KIRREL1: variants seen among roughly 807,000 people sequenced by gnomAD.
KIRREL1 encodes kin of IRRE-like protein 1.
Under a neutral mutation model 83.3 loss-of-function variants are expected in KIRREL1, and 25 were observed. That is an observed-to-expected ratio of 0.30 (90% CI 0.22 to 0.42). KIRREL1 has a LOEUF of 0.42. Ranked by LOEUF, KIRREL1 falls within the 10% of genes least tolerant of loss-of-function variation. KIRREL1 has a pLI of 1.00. For missense variants in KIRREL1, 812 were observed against 1,032.3 expected, an observed-to-expected ratio of 0.79 and a Z score of 2.92; for synonymous variants, 388 against 410.4, an observed-to-expected ratio of 0.95 and a Z score of 0.66.
intron 1 of KIRREL1, among the ~76,000 whole-genome samples, chr1:158,075,866 T>G (rs891224258): frequency 8.5e-5 from 13 of 152,120 alleles, no homozygotes; most frequent in African/African-American, 3.1e-4. Flanking sequence ...CAGTGCACTA[T>G]TTTCTGTGAT....
chr1:157,998,746 C>A (rs548273747), intron 1 of KIRREL1, among the ~76,000 whole-genome samples: 29 of 152,320 alleles, frequency 1.9e-4, no homozygotes, highest in African/African-American at 7.0e-4. Flanking sequence ...CTTGTTCTAA[C>A]CCGCCTGGGG....
At position 158,021,386 on chromosome 1, in the gene KIRREL1, C is replaced by T. The variant is rs151178059; in HGVS notation, c.52+27658C>T. On this transcript the variant is annotated intron_variant, in intron 1 of 14. Coordinates refer to ENST00000359209, the MANE Select transcript of KIRREL1 (RefSeq NM_018240.7). Reference sequence around the variant, plus strand: ...TAATTCAGTCAGCTGGTGAAAGTATCGTGGTATTATGGAAGGAGCCCTGTT... The same window carrying T: ...TAATTCAGTCAGCTGGTGAAAGTATTGTGGTATTATGGAAGGAGCCCTGTT... Among the ~76,000 whole-genome samples the T allele has an allele frequency of 2.5e-3, 376 of 152,258 alleles. 1 individual carries two copies. Among genetic ancestry groups the T allele is most frequent in the African/African-American group, 8.5e-3 (354 of 41,526 alleles).
chr1:158,010,361 A>ACACACACACCC (rs1491267940), intron 1 of KIRREL1, among the ~76,000 whole-genome samples: 1 of 51,560 alleles, frequency 1.9e-5, no homozygotes, highest in African/African-American at 4.8e-5. Context: ...ACACACACAC[A>ACACACACACCC]CCCCACACAG....
intron 2 of KIRREL1, among the ~76,000 whole-genome samples, chr1:158,077,096 A>G (rs1661700619): frequency 6.6e-6 from 1 of 152,228 alleles, no homozygotes; most frequent in African/African-American, 2.4e-5. Flanking sequence ...TTTTAGCTTT[A>G]AAGCACTGTA....
At chr1:158,003,100 C>T (rs1395201653) in intron 1 of KIRREL1, among the ~76,000 whole-genome samples, 2 of 152,092 alleles carry the variant, frequency 1.3e-5, no homozygotes, top group Non-Finnish European at 2.9e-5. Context: ...TATTTTTCCT[C>T]CTCCTTCCTG....
Position 158,099,805 on chromosome 1 carries a change from C to T in KIRREL1, c.*4685C>T, listed in dbSNP as rs1166161904. On this transcript the variant is annotated 3_prime_UTR_variant, in exon 15 of 15. Transcript: ENST00000359209. ...TTTGGAGCTCTTCAGATGCTGTCCC[C>T]CCTGAGAATACCCTAACTCTGGGGA... 1 of 152,088 alleles carries T rather than the reference C, an allele frequency of 6.6e-6. No individual in the cohort carries two copies. Among genetic ancestry groups the T allele is most frequent in the Non-Finnish European group, 1.5e-5 (1 of 68,030 alleles). 9.4% of individuals were successfully genotyped at this position (152,088 alleles called of 1,614,324 possible).
Position 158,095,072 on chromosome 1 carries a change from C to T in KIRREL1, c.2226C>T (p.His742=), listed in dbSNP as rs370543560. 3.7e-6 allele frequency: 6 copies of T among 1,611,678 alleles called. No homozygotes were observed. Among genetic ancestry groups the T allele is most frequent in the African/African-American group, 1.3e-5 (1 of 74,912 alleles). Residue 742 remains histidine (H), a synonymous_variant, in exon 15 of 15, where the codon CAC becomes CAT. Coordinates refer to ENST00000359209, the MANE Select transcript of KIRREL1 (RefSeq NM_018240.7). The stretch of plus-strand genomic sequence containing the variant: ...CTCGATTCTCCTACACCTCCCAGCA[C>T]TCGGACTACGGCCAGCGATTCCAGC... ...TATRFSYTSQ[H]SDYGQRFQQR... is the part of the protein sequence containing the mutation.
chr1:158,046,165 A>G (rs558612801), intron 1 of KIRREL1, among the ~76,000 whole-genome samples: 16 of 152,318 alleles, frequency 1.1e-4, no homozygotes, highest in African/African-American at 3.8e-4. Context: ...CAGGCACAAG[A>G]TGATAGCTTG....
chr1:158,012,100 A>G (rs376877658), intron 1 of KIRREL1, among the ~76,000 whole-genome samples: 2 of 152,108 alleles, frequency 1.3e-5, no homozygotes, highest in Admixed American at 6.5e-5. Flanking sequence ...CCCTTCCCCA[A>G]TAAGATTAAA....
At chr1:158,003,081 T>A (rs1251287396) in intron 1 of KIRREL1, among the ~76,000 whole-genome samples, 4 of 152,164 alleles carry the variant, frequency 2.6e-5, no homozygotes, top group South Asian at 2.1e-4. Context: ...GAGTTTTTTT[T>A]ATTATTATTA....
rs538692884 is a variant in KIRREL1, at chr1:158,084,980, A to T, written c.510+401A>T. Among the ~76,000 whole-genome samples the T allele has an allele frequency of 2.0e-5, 3 of 152,304 alleles. No homozygotes were observed. In the East Asian group the frequency reaches 5.8e-4, roughly 29 times the overall value. The stretch of plus-strand genomic sequence containing the variant: ...GAGGTTGAGTGACTTGTCCAAGGTC[A>T]CACAGCTGGCACAGAGCGGGGGTTT... On this transcript the variant is annotated intron_variant, in intron 4 of 14. Transcript: ENST00000359209.
At chr1:158,016,046 C>T (rs552395000) in intron 1 of KIRREL1, among the ~76,000 whole-genome samples, 3 of 152,178 alleles carry the variant, frequency 2.0e-5, no homozygotes, top group Non-Finnish European at 2.9e-5. Context: ...CGGCTCAAGC[C>T]TGTAATCCCA....
In KIRREL1 at chr1:158,076,197, A is replaced by G. The variant is rs1661676907; in HGVS notation, c.137A>G (p.Asn46Ser). The G allele has an allele frequency of 3.7e-6, 6 of 1,614,054 alleles. No individual in the cohort carries two copies. Among genetic ancestry groups the G allele is most frequent in the South Asian group, 1.1e-5 (1 of 91,086 alleles). ...GCCGTGCTCCCCTGTGTGCTGCTCAACTACTCTGGAATTGTGCAATGGACC... is the reference window on the plus strand; with the variant it reads ...GCCGTGCTCCCCTGTGTGCTGCTCAGCTACTCTGGAATTGTGCAATGGACC... ...QRAVLPCVLL[N>S]YSGIVQWTKD... Residue 46 changes from asparagine to serine, a missense_variant, in exon 2 of 15, where the codon AAC becomes AGC. By Grantham distance (46) the Asn-to-Ser change is conservative (BLOSUM62 1). This residue lies in a region of KIRREL1 where 472 missense variants were observed against 626.8 expected (regional missense o/e 0.75). Coordinates refer to ENST00000359209, the MANE Select transcript of KIRREL1 (RefSeq NM_018240.7).
In KIRREL1 at chr1:158,001,368, G is replaced by C. The variant is rs551542487; in HGVS notation, c.52+7640G>C. On this transcript the variant is annotated intron_variant, in intron 1 of 14. Transcript: ENST00000359209. ...TCAGTTCTCTCTTTCACCAAATCAG[G>C]AGAATTATTTTTTTAATCATCAACT... Among the ~76,000 whole-genome samples the C allele has an allele frequency of 2.6e-5, 4 of 152,282 alleles. No individual in the cohort carries two copies. The South Asian group carries it at 8.3e-4, about 32-fold the overall frequency.
chr1:158,015,453 C>T (rs1399740417), intron 1 of KIRREL1, among the ~76,000 whole-genome samples: 1 of 152,140 alleles, frequency 6.6e-6, no homozygotes, highest in Non-Finnish European at 1.5e-5. Context: ...TGGTTTTGGC[C>T]CCTTAAAGAA....
chr1:158,094,136 C>T lies in KIRREL1; in HGVS notation c.1720-177C>T, dbSNP rs1205898693. Among the ~76,000 whole-genome samples, 1 of 152,242 alleles carries T rather than the reference C, an allele frequency of 6.6e-6. No homozygotes were observed. The highest frequency in any genetic ancestry group is 1.9e-4 in the East Asian group (1 of 5,192). ...ACCAAACTAGTGCTCGAACCAAGGT[C>T]TCTGGCCTCTTCCCACCACATCCCA... On this transcript the variant is annotated intron_variant, in intron 13 of 14. Coordinates refer to ENST00000359209, the MANE Select transcript of KIRREL1 (RefSeq NM_018240.7). This position sits in a 1 kb window ranked among gnomAD's most constrained non-coding sequence, Gnocchi z 4.6.
At chr1:158,090,053 A>G (rs1662148743) in intron 10 of KIRREL1, among the ~76,000 whole-genome samples, 1 of 152,102 alleles carries the variant, frequency 6.6e-6, no homozygotes, top group Non-Finnish European at 1.5e-5. Context: ...TTATTCATCT[A>G]TAAAACAGGG....
At position 158,089,566 on chromosome 1, in the gene KIRREL1, C is replaced by A. The variant is rs1163392722; in HGVS notation, c.1109C>A (p.Thr370Asn). Residue 370 changes from threonine to asparagine, a missense_variant, in exon 9 of 15, where the codon ACC becomes AAC. Thr to Asn is a moderately conservative substitution (Grantham distance 65). Transcript: ENST00000359209. ...SVTQADAGTY[T>N]CRAIVPRIGV... Reference sequence around the variant, plus strand: ...ACTCAGGCAGACGCTGGCACCTACACCTGCCGGGCCATCGTGCCTCGAATC... The same window carrying A: ...ACTCAGGCAGACGCTGGCACCTACAACTGCCGGGCCATCGTGCCTCGAATC... 1 of 1,614,156 alleles carries A rather than the reference C, an allele frequency of 6.2e-7. No individual in the cohort carries two copies. The highest frequency in any genetic ancestry group is 1.7e-5 in the Admixed American group (1 of 60,012).
chr1:158,081,139 A>G (rs1558014220), intron 3 of KIRREL1, among the ~76,000 whole-genome samples: 2 of 118,034 alleles, frequency 1.7e-5, no homozygotes, highest in African/African-American at 6.0e-5. Flanking sequence ...TGCAGACATA[A>G]CATAGATATA....
Sources: allele counts gnomAD v4.1 joint callset (sites outside exome capture counted in the v4.1 genomes callset), GRCh38; gene constraint gnomAD v4.1.1; regional missense constraint gnomAD v4.1.1; non-coding constraint Gnocchi (gnomAD v3.1); transcripts MANE v1.5; gene names NCBI Gene and HGNC (gene_info 2026-07-23, HGNC 2026-07-21).